Variants in MACROD2 observed in about 807,000 individuals in gnomAD.
The protein encoded by MACROD2 is mono-ADP ribosylhydrolase 2.
In MACROD2, 36 loss-of-function variants were observed where a neutral mutation model predicts 70.4. That is an observed-to-expected ratio of 0.51 (90% CI 0.39 to 0.68). The LOEUF (loss-of-function observed/expected upper bound fraction) is 0.68, where lower values mean the gene tolerates loss of function less well. Among genes scored for constraint, MACROD2 ranks in the 30% least tolerant of loss-of-function variants. MACROD2 has a pLI of 0.00. For synonymous variants in MACROD2, 172 were observed against 178.8 expected, an observed-to-expected ratio of 0.96 and a Z score of 0.30; for missense variants, 496 against 538.4, an observed-to-expected ratio of 0.92 and a Z score of 0.78.
At chr20:15,980,669 T>A (rs960003146) in intron 13 of MACROD2, among the ~76,000 whole-genome samples, 2 of 152,182 alleles carry the variant, frequency 1.3e-5, no homozygotes, top group Non-Finnish European at 2.9e-5. Context: ...CATGTGTCAG[T>A]TTTGTCATAT....
intron 8 of MACROD2, among the ~76,000 whole-genome samples, chr20:15,732,234 T>C (rs2050955332): frequency 6.6e-6 from 1 of 151,982 alleles, no homozygotes; most frequent in Non-Finnish European, 1.5e-5. Flanking sequence ...CTCTTTACTT[T>C]AAAGCCACTG....
intron 4 of MACROD2, among the ~76,000 whole-genome samples, chr20:14,627,988 A>G (rs549452173): frequency 6.6e-6 from 1 of 152,368 alleles, no homozygotes; most frequent in South Asian, 2.1e-4. Flanking sequence ...TAACTAATTT[A>G]GCTTGTTGAG....
intron 2 of MACROD2, among the ~76,000 whole-genome samples, chr20:14,044,585 C>T (rs183480238): frequency 6.6e-6 from 1 of 152,268 alleles, no homozygotes; most frequent in East Asian, 1.9e-4. Flanking sequence ...TGTTTACAAT[C>T]CCTGAGCTAG....
At chr20:15,624,915 C>G (rs898629371) in intron 8 of MACROD2, among the ~76,000 whole-genome samples, 2 of 152,186 alleles carry the variant, frequency 1.3e-5, no homozygotes, top group South Asian at 4.1e-4. Flanking sequence ...TTAGTTCTTA[C>G]ACCTCATTGA....
chr20:15,325,155 A>C (rs931260899), intron 6 of MACROD2, among the ~76,000 whole-genome samples: 1 of 152,148 alleles, frequency 6.6e-6, no homozygotes, highest in African/African-American at 2.4e-5. Flanking sequence ...ATAACATACA[A>C]TCTTTCACCC....
At chr20:14,111,145 A>G (rs537474980) in intron 3 of MACROD2, among the ~76,000 whole-genome samples, 2 of 152,082 alleles carry the variant, frequency 1.3e-5, no homozygotes, top group African/African-American at 2.4e-5. Context: ...TCAAAAATTG[A>G]TGCTGGGAAA....
At chr20:14,564,033 TA>T (rs1208307310) in intron 4 of MACROD2, among the ~76,000 whole-genome samples, 1 of 151,780 alleles carries the variant, frequency 6.6e-6, no homozygotes, top group Non-Finnish European at 1.5e-5. Context: ...AACCCAAAAA[TA>T]AGGCTACATA....
chr20:14,519,574 G>A (rs1006650225), intron 4 of MACROD2, among the ~76,000 whole-genome samples: 3 of 152,176 alleles, frequency 2.0e-5, no homozygotes, highest in African/African-American at 7.2e-5. Context: ...AACAGGTGCT[G>A]GTGAGGTTGC....
At chr20:15,599,728 G>A (rs569118308) in intron 8 of MACROD2, among the ~76,000 whole-genome samples, 1 of 152,104 alleles carries the variant, frequency 6.6e-6, no homozygotes, top group African/African-American at 2.4e-5. Context: ...TTTGCTGTTG[G>A]TATTCAGTTT....
chr20:15,034,639 T>A (rs2075299547), intron 5 of MACROD2, among the ~76,000 whole-genome samples: 2 of 152,146 alleles, frequency 1.3e-5, no homozygotes, highest in African/African-American at 4.8e-5. Flanking sequence ...ATCAGCAAGT[T>A]ATAGCATTCA....
intron 3 of MACROD2, among the ~76,000 whole-genome samples, chr20:14,210,320 C>T (rs1169173633): frequency 1.3e-5 from 2 of 152,156 alleles, no homozygotes; most frequent in African/African-American, 4.8e-5. Context: ...GGGGTAATGT[C>T]AGAGGTAGAA....
chr20:14,190,709 T>A (rs1400018310), intron 3 of MACROD2, among the ~76,000 whole-genome samples: 1,013 of 93,810 alleles, frequency 0.011, 3 homozygotes, highest in African/African-American at 0.016. Flanking sequence ...TTTTTTTTTT[T>A]TTTTTTTTTT....
At chr20:15,181,736 G>A (rs1332260728) in intron 5 of MACROD2, among the ~76,000 whole-genome samples, 2 of 152,136 alleles carry the variant, frequency 1.3e-5, no homozygotes, top group Non-Finnish European at 2.9e-5. Flanking sequence ...ATTCAAGTCT[G>A]AGAAACATTC....
At chr20:16,022,526 G>A (rs2067018037) in intron 15 of MACROD2, among the ~76,000 whole-genome samples, 1 of 152,120 alleles carries the variant, frequency 6.6e-6, no homozygotes, top group Non-Finnish European at 1.5e-5. Context: ...GAATCACTAG[G>A]GCAGCTTGTT....
chr20:14,419,157 T>C (rs1390538853), intron 3 of MACROD2, among the ~76,000 whole-genome samples: 1 of 151,960 alleles, frequency 6.6e-6, no homozygotes, highest in African/African-American at 2.4e-5. Context: ...TGGGTTCAAG[T>C]GATTCTCCTG....
At chr20:14,370,297 T>C (rs950483518) in intron 3 of MACROD2, among the ~76,000 whole-genome samples, 6 of 152,124 alleles carry the variant, frequency 3.9e-5, no homozygotes, top group African/African-American at 1.4e-4. Flanking sequence ...CATTAATAAA[T>C]ATAAAAAAGC....
At chr20:15,148,247 T>TG (rs765642080) in intron 5 of MACROD2, among the ~76,000 whole-genome samples, 15 of 151,656 alleles carry the variant, frequency 9.9e-5, no homozygotes, top group Non-Finnish European at 2.1e-4. Flanking sequence ...GATGACATTG[T>TG]GGGGGGTTGT....
At chr20:15,107,906 C>T (rs2075923708) in intron 5 of MACROD2, among the ~76,000 whole-genome samples, 1 of 151,664 alleles carries the variant, frequency 6.6e-6, no homozygotes, top group Admixed American at 6.6e-5. Context: ...CTAATTGGTG[C>T]CCAGGTTCAG....
chr20:14,196,263 T>C (rs1240327297), intron 3 of MACROD2, among the ~76,000 whole-genome samples: 1 of 152,172 alleles, frequency 6.6e-6, no homozygotes, highest in Non-Finnish European at 1.5e-5. Context: ...CCTTCTAATA[T>C]CCTCTTCACT....
Sources: gnomAD v4.1 joint callset for allele counts (sites outside exome capture counted in the v4.1 genomes callset) on GRCh38, gnomAD v4.1.1 for gene constraint, MANE v1.5 for transcripts, NCBI Gene and HGNC (gene_info 2026-07-23, HGNC 2026-07-21) for gene names.